The following TMIGD3 variants were observed in gnomAD, a reference collection of about 807,000 sequenced individuals.
The protein encoded by TMIGD3 is transmembrane and immunoglobulin domain containing 3.
In TMIGD3, 21 loss-of-function variants were observed where a neutral mutation model predicts 28.1. That is an observed-to-expected ratio of 0.75 (90% CI 0.53 to 1.08). TMIGD3 has a LOEUF of 1.08. Ranked by LOEUF, TMIGD3 falls within the 50% of genes least tolerant of loss-of-function variation. TMIGD3 has a pLI of 0.00. For synonymous variants in TMIGD3, 151 were observed against 162.1 expected, an observed-to-expected ratio of 0.93 and a Z score of 0.52; for missense variants, 416 against 435.6, an observed-to-expected ratio of 0.96 and a Z score of 0.40.
chr1:111,537,535 C>G (rs1456971444), intron 1 of TMIGD3, among the ~76,000 whole-genome samples: 1 of 152,140 alleles, frequency 6.6e-6, no homozygotes, highest in Non-Finnish European at 1.5e-5. Flanking sequence ...AGAAATTTCC[C>G]TTTTTGAGAA....
intron 1 of TMIGD3, among the ~76,000 whole-genome samples, chr1:111,545,774 A>T (rs1657013258): frequency 6.6e-6 from 1 of 152,032 alleles, no homozygotes; most frequent in Admixed American, 6.5e-5. Context: ...TAGTTATTTG[A>T]TCGATTTTTA....
At chr1:111,510,361 A>G (rs1267421941) in intron 1 of TMIGD3, among the ~76,000 whole-genome samples, 1 of 152,198 alleles carries the variant, frequency 6.6e-6, no homozygotes, top group Non-Finnish European at 1.5e-5. Flanking sequence ...ACTATGAAGT[A>G]TGTCTCGGTG....
At chr1:111,542,200 C>A in intron 1 of TMIGD3, 1 of 546,094 alleles carries the variant, frequency 1.8e-6, no homozygotes, top group South Asian at 1.4e-5. Context: ...TCGTTTAGAC[C>A]AGCTTAATGA....
chr1:111,522,457 G>C (rs1009924918), intron 1 of TMIGD3, among the ~76,000 whole-genome samples: 1 of 150,688 alleles, frequency 6.6e-6, no homozygotes, highest in Non-Finnish European at 1.5e-5. Flanking sequence ...ATTCTCTGTA[G>C]TTTTCAGTGT....
chr1:111,500,183 A>T (rs1655094043), intron 1 of TMIGD3: 1 of 1,614,118 alleles, frequency 6.2e-7, no homozygotes. Context: ...GGCAGCCATG[A>T]CAGAGCAAAC....
At chr1:111,507,033 GTGTGTGTA>G (rs1655527932), upstream of TMIGD3, among the ~76,000 whole-genome samples, 1 of 37,160 alleles carries the variant, frequency 2.7e-5, no homozygotes, top group Non-Finnish European at 8.6e-5. Context: ...GTGTGTGTGT[GTGTGTGTA>G]TATATATATA....
At chr1:111,544,504 G>A (rs1571452717) in intron 1 of TMIGD3, among the ~76,000 whole-genome samples, 1 of 152,034 alleles carries the variant, frequency 6.6e-6, no homozygotes, top group Admixed American at 6.6e-5. Context: ...ATGTTTTGAA[G>A]GTTCATCCAT....
At chr1:111,529,071 G>A (rs1656363798) in intron 1 of TMIGD3, among the ~76,000 whole-genome samples, 1 of 151,166 alleles carries the variant, frequency 6.6e-6, no homozygotes, top group Admixed American at 6.6e-5. Context: ...AGACATTCTT[G>A]CCTTGTCTTT....
At chr1:111,485,896 T>A in intron 4 of TMIGD3, 56 bp from the exon 5 acceptor site, 1 of 1,387,872 alleles carries the variant, frequency 7.2e-7, no homozygotes. Flanking sequence ...CTATTGATTC[T>A]CAGCTCTGGA....
chr1:111,558,091 C>T (rs1262885241), intron 1 of TMIGD3, among the ~76,000 whole-genome samples: 1 of 152,074 alleles, frequency 6.6e-6, no homozygotes, highest in African/African-American at 2.4e-5. Context: ...AGAAAGTGCA[C>T]ATTTAGATAA....
rs145470931 is a variant in TMIGD3, at chr1:111,530,085, G to A, written c.107+33761C>T. 6.0e-3 allele frequency among the ~76,000 whole-genome samples: 906 copies of A among 151,996 alleles called. 9 individuals carry two copies. The highest frequency in any genetic ancestry group is 0.021 in the African/African-American group (851 of 41,424). ...CCAGTAGGGGCGGCCGGGCAGAGGC[G>A]CCCCTCTGTAATTGAGTATTTTAAA... is the stretch of plus-strand genomic sequence containing the variant. On this transcript the variant is annotated intron_variant, in intron 1 of 5. Transcript: ENST00000369717.
chr1:111,548,540 A>C (rs966577963), intron 1 of TMIGD3, among the ~76,000 whole-genome samples: 10 of 152,216 alleles, frequency 6.6e-5, no homozygotes, highest in Non-Finnish European at 8.8e-5. Context: ...AGTTTGCACA[A>C]CTTTAATTTT....
chr1:111,558,678 C>T (rs1657612068), intron 1 of TMIGD3, among the ~76,000 whole-genome samples: 1 of 152,030 alleles, frequency 6.6e-6, no homozygotes, highest in Non-Finnish European at 1.5e-5. Context: ...ACTACATAAC[C>T]ATCAATGTTT....
rs1557823858 is a variant in TMIGD3, at chr1:111,502,057, A to AATATATAGGATATATATATTATAAT, written c.350+923_350+947dup. ...TATAGGATATATATTTAATATAATA[A>AATATATAGGATATATATATTATAAT]ATATATAGGATATATATATTATAAT... On this transcript the variant is annotated intron_variant, in intron 1 of 5. Coordinates refer to ENST00000369716, the MANE Select transcript of TMIGD3 (RefSeq NM_020683.7). Among the ~76,000 whole-genome samples the AATATATAGGATATATATATTATAAT allele has an allele frequency of 2.0e-4, 28 of 139,498 alleles. 1 individual carries two copies. Among genetic ancestry groups the AATATATAGGATATATATATTATAAT allele is most frequent in the Admixed American group, 1.0e-3 (13 of 12,924 alleles). The allele number at this position is 139,498 out of a possible 152,430, so 91.5% of individuals were successfully genotyped here.
chr1:111,516,977 A>T (rs1327903759), intron 1 of TMIGD3, among the ~76,000 whole-genome samples: 1 of 152,220 alleles, frequency 6.6e-6, no homozygotes, highest in African/African-American at 2.4e-5. Flanking sequence ...GGTGACAGCA[A>T]CTACCTAGAA....
intron 1 of TMIGD3, among the ~76,000 whole-genome samples, chr1:111,556,039 A>G (rs1374224932): frequency 6.6e-6 from 1 of 152,236 alleles, no homozygotes; most frequent in Non-Finnish European, 1.5e-5. Context: ...AATATATAAA[A>G]CGCACAAGAA....
At chr1:111,496,640 G>A (rs747949760) in intron 1 of TMIGD3, among the ~76,000 whole-genome samples, 2 of 152,122 alleles carry the variant, frequency 1.3e-5, no homozygotes, top group African/African-American at 2.4e-5. Flanking sequence ...CTCCTTTGGT[G>A]GAGCACTGAA....
chr1:111,512,749 C>T (rs1278209346), intron 1 of TMIGD3, among the ~76,000 whole-genome samples: 1 of 152,222 alleles, frequency 6.6e-6, no homozygotes, highest in Non-Finnish European at 1.5e-5. Context: ...TCATTCCACA[C>T]CCACCACCCT....
intron 1 of TMIGD3, chr1:111,500,110 A>T (rs2800889): frequency 0.018 from 29,732 of 1,614,210 alleles, 378 homozygotes; most frequent in Middle Eastern, 0.037. Context: ...CAGGATGCCC[A>T]TGTACAGCAC....
Sources: gnomAD v4.1 joint callset for allele counts (sites outside exome capture counted in the v4.1 genomes callset) on GRCh38, gnomAD v4.1.1 for gene constraint, MANE v1.5 for transcripts, NCBI Gene and HGNC (gene_info 2026-07-23, HGNC 2026-07-21) for gene names.